B9D1: variants seen among roughly 807,000 people sequenced by gnomAD.
B9D1 encodes B9 domain-containing protein 1.
A neutral mutation model predicts 26.1 loss-of-function variants in B9D1; 20 were observed. The observed-to-expected ratio is 0.77, with a 90% CI of 0.54 to 1.12. The LOEUF is 1.12. B9D1 is among the 50% of genes most tolerant of loss of function. B9D1 has a pLI of 0.00. For synonymous variants in B9D1, 105 were observed against 103.1 expected (o/e 1.02, Z -0.11); for missense variants, 260 against 273.7 (o/e 0.95, Z 0.35).
chr17:19,357,606 C>T (rs1567900104), intron 3 of B9D1: 2 of 570,394 alleles, frequency 3.5e-6, no homozygotes, highest in East Asian at 6.3e-5. Flanking sequence ...CTGATGCACT[C>T]TGAACTTCCA....
chr17:19,368,226 C>T (rs908081666), intron 1 of B9D1, among the ~76,000 whole-genome samples: 2 of 152,216 alleles, frequency 1.3e-5, no homozygotes, highest in African/African-American at 4.8e-5. Context: ...TCAAAATCTT[C>T]ATTAATGAGA....
At position 19,372,662 on chromosome 17, in the gene B9D1, G is replaced by A. The variant is rs1297494947; in HGVS notation, c.-298+5197C>T. On this transcript the variant is annotated intron_variant, in intron 1 of 5. Coordinates refer to the B9D1 transcript ENST00000477478. This position sits in a 1 kb window ranked among gnomAD's most constrained non-coding sequence, Gnocchi z 4.4. ...CCCTCATCAGAGAAAGCTGGGACTT[G>A]TGCTCATGGCTCTGACCCCAGCACA... Among the ~76,000 whole-genome samples, 1 of 152,158 alleles carries A rather than the reference G, an allele frequency of 6.6e-6. No homozygotes were observed. The highest frequency in any genetic ancestry group is 2.4e-5 in the African/African-American group (1 of 41,424).
intron 1 of B9D1, among the ~76,000 whole-genome samples, chr17:19,373,570 T>G (rs1429503808): frequency 5.3e-5 from 8 of 152,130 alleles, no homozygotes; most frequent in Non-Finnish European, 1.2e-4. Context: ...TTTTGTATTT[T>G]GTATTTTTAG....
chr17:19,337,588 G>T (rs750003066), downstream of B9D1: 2 of 851,816 alleles, frequency 2.3e-6, no homozygotes, highest in Non-Finnish European at 3.7e-6. Flanking sequence ...GGACAGGAGA[G>T]AAAGAAGGGT....
At chr17:19,368,763 G>A (rs1255172341) in intron 1 of B9D1, among the ~76,000 whole-genome samples, 2 of 152,140 alleles carry the variant, frequency 1.3e-5, no homozygotes, top group African/African-American at 4.8e-5. Context: ...TGGGCAAATA[G>A]AGACCCCGTC....
Position 19,352,179 on chromosome 17 carries a change from C to G in B9D1, c.245-4299G>C, listed in dbSNP as rs539379750. 2.0e-5 allele frequency among the ~76,000 whole-genome samples: 3 copies of G among 152,284 alleles called. No homozygotes were observed. The South Asian group carries it at 6.2e-4, about 32-fold the overall frequency. On this transcript the variant is annotated intron_variant, in intron 3 of 6. Coordinates refer to ENST00000261499, the MANE Select transcript of B9D1 (RefSeq NM_015681.6). ...GGGATTATAGGTGTGAGTGACCCCA[C>G]TTAGCCTGTTTTTTCATCGTCTTAA...
chr17:19,345,241 T>C (rs60797753), intron 5 of B9D1, among the ~76,000 whole-genome samples: 1,540 of 152,182 alleles, frequency 0.01, 14 homozygotes, highest in African/African-American at 0.034. Flanking sequence ...GGCCATGAGG[T>C]AGGCAGGGCC....
chr17:19,359,870 G>A lies in B9D1; in HGVS notation c.132+450C>T, dbSNP rs1209001064. 6.6e-6 allele frequency among the ~76,000 whole-genome samples: 1 copy of A among 152,258 alleles called. No individual in the cohort carries two copies. The highest frequency in any genetic ancestry group is 1.5e-5 in the Non-Finnish European group (1 of 68,048). On this transcript the variant is annotated intron_variant, in intron 2 of 6. Transcript: ENST00000261499. The surrounding 1 kb of genome is among the most constrained non-coding windows in gnomAD (Gnocchi z 5.0). Reference sequence around the variant, plus strand: ...CAAACAGCAGAGCACAGAGCGGGCTGAAGTTGTCACCACAGTCCCTCACCT... The same window carrying A: ...CAAACAGCAGAGCACAGAGCGGGCTAAAGTTGTCACCACAGTCCCTCACCT...
At chr17:19,362,162 C>G (rs1241389674) in intron 1 of B9D1, among the ~76,000 whole-genome samples, 4 of 152,338 alleles carry the variant, frequency 2.6e-5, no homozygotes, top group Middle Eastern at 3.4e-3. Context: ...AGCGCAAATG[C>G]TGGAAACTCG....
Position 19,360,262 on chromosome 17 carries a change from C to A in B9D1, c.132+58G>T. The A allele has an allele frequency of 2.0e-6, 3 of 1,530,888 alleles. No homozygotes were observed. The South Asian group carries it at 3.4e-5, about 17-fold the overall frequency. The allele number at this position is 1,530,888 out of a possible 1,614,324, so 94.8% of individuals were successfully genotyped here. A position where few individuals can be genotyped will look rare whatever the true frequency, so the allele number is the denominator to read the frequency against. ...GAATGGGGAGGGGAAGGATATGACA[C>A]CTTCAGAAACCCCAAAAGTCATGAA... On this transcript the variant is annotated intron_variant, in intron 2 of 6. Coordinates refer to ENST00000261499, the MANE Select transcript of B9D1 (RefSeq NM_015681.6).
chr17:19,368,388 G>A (rs1313711577), intron 1 of B9D1, among the ~76,000 whole-genome samples: 2 of 152,188 alleles, frequency 1.3e-5, no homozygotes. Context: ...CTTCTTCTAG[G>A]AGTTAGTCAG....
downstream of B9D1, among the ~76,000 whole-genome samples, chr17:19,339,418 C>T (rs1907721607): frequency 6.6e-6 from 1 of 152,174 alleles, no homozygotes; most frequent in Non-Finnish European, 1.5e-5. Context: ...TAGCAAATGT[C>T]TTGTACTTGC....
Position 19,360,000 on chromosome 17 carries a change from G to A in B9D1, c.132+320C>T, listed in dbSNP as rs536934928. On this transcript the variant is annotated intron_variant, in intron 2 of 6. Coordinates refer to ENST00000261499, the MANE Select transcript of B9D1 (RefSeq NM_015681.6). This position sits in a 1 kb window ranked among gnomAD's most constrained non-coding sequence, Gnocchi z 5.0. Reference sequence around the variant, plus strand: ...GCTGAGGAGAGGCCAAATGGTGAGCGGACTGGCCAGAGTGTCCACAGCTCA... The same window carrying A: ...GCTGAGGAGAGGCCAAATGGTGAGCAGACTGGCCAGAGTGTCCACAGCTCA... 6.6e-6 allele frequency among the ~76,000 whole-genome samples: 1 copy of A among 152,274 alleles called. No individual in the cohort carries two copies. Among genetic ancestry groups the A allele is most frequent in the East Asian group, 1.9e-4 (1 of 5,176 alleles).
chr17:19,346,944 G>A, intron 5 of B9D1: 1 of 1,489,842 alleles, frequency 6.7e-7, no homozygotes, highest in East Asian at 2.5e-5. Flanking sequence ...GACTCATACT[G>A]CTATATCCTC....
intron 1 of B9D1, among the ~76,000 whole-genome samples, chr17:19,373,946 G>A (rs1051394796): frequency 3.3e-5 from 5 of 152,204 alleles, no homozygotes; most frequent in Middle Eastern, 3.2e-3. Flanking sequence ...AAAATCCTAG[G>A]TAGACATTTA....
At chr17:19,367,734 A>C (rs1456680383) in intron 1 of B9D1, among the ~76,000 whole-genome samples, 1 of 152,086 alleles carries the variant, frequency 6.6e-6, no homozygotes, top group Non-Finnish European at 1.5e-5. Flanking sequence ...TTCCTGTTGA[A>C]CTTCAAGAGC....
At chr17:19,344,281 G>A (rs1054790341) in intron 5 of B9D1, among the ~76,000 whole-genome samples, 4 of 152,192 alleles carry the variant, frequency 2.6e-5, no homozygotes, top group African/African-American at 7.2e-5. Flanking sequence ...CCTGGAAGGG[G>A]GTCCCACCCC....
chr17:19,374,962 C>G (rs1912040853), intron 1 of B9D1, among the ~76,000 whole-genome samples: 1 of 152,122 alleles, frequency 6.6e-6, no homozygotes, highest in Non-Finnish European at 1.5e-5. Flanking sequence ...AGAACTCTGA[C>G]AGCTCAACAA....
At chr17:19,355,450 A>G (rs1277439735) in intron 3 of B9D1, among the ~76,000 whole-genome samples, 1 of 151,624 alleles carries the variant, frequency 6.6e-6, no homozygotes, top group East Asian at 1.9e-4. Flanking sequence ...AATCGCTTGA[A>G]TCCAGGAGGT....
Sources: gnomAD v4.1 joint callset for allele counts (sites outside exome capture counted in the v4.1 genomes callset) on GRCh38, gnomAD v4.1.1 for gene constraint, Gnocchi (gnomAD v3.1) non-coding constraint, MANE v1.5 for transcripts, NCBI Gene and HGNC (gene_info 2026-07-23, HGNC 2026-07-21) for gene names.